The following DOCK4 variants were observed in gnomAD, a reference collection of about 807,000 sequenced individuals.
The protein encoded by DOCK4 is dedicator of cytokinesis 4.
In DOCK4, 97 loss-of-function variants were observed where a neutral mutation model predicts 268.1. The observed-to-expected ratio is 0.36, with a 90% CI of 0.31 to 0.43. DOCK4 has a LOEUF of 0.43. Among genes scored for constraint, DOCK4 ranks in the 20% least tolerant of loss-of-function variants. The pLI is 1.00. For synonymous variants in DOCK4, 954 were observed against 887.2 expected (o/e 1.08, Z -1.34); for missense variants, 2,145 against 2,455.7 (o/e 0.87, Z 2.67).
intron 1 of DOCK4, among the ~76,000 whole-genome samples, chr7:112,107,267 T>A (rs1378978240): frequency 6.6e-6 from 1 of 152,212 alleles, no homozygotes; most frequent in Admixed American, 6.5e-5. Flanking sequence ...TCCTGGTATC[T>A]TAGAATATGA....
rs1271930063 is a variant in DOCK4, at chr7:111,857,590, A to G, written c.2473+5782T>C. ...AAACATATATAGCTATTTTTTAGCA[A>G]GAAAATAGCTCAGCATTAACTCCAG... On this transcript the variant is annotated intron_variant, in intron 23 of 52. Transcript: ENST00000428084. 2.0e-5 allele frequency among the ~76,000 whole-genome samples: 3 copies of G among 152,194 alleles called. No individual in the cohort carries two copies. In the East Asian group the frequency reaches 5.8e-4, roughly 29 times the overall value.
At position 112,095,156 on chromosome 7, in the gene DOCK4, T is replaced by C. The variant is rs1405167289; in HGVS notation, c.38-91025A>G. Among the ~76,000 whole-genome samples, 3 of 152,174 alleles carry C rather than the reference T, an allele frequency of 2.0e-5. No individual in the cohort carries two copies. The East Asian group carries it at 5.8e-4, about 29-fold the overall frequency. On this transcript the variant is annotated intron_variant, in intron 1 of 52. Transcript: ENST00000428084. ...TTACCATTGATCAGTCTTTCAATGG[T>C]ATAGGGCTGACATTTGGCTTCTTTA...
intron 1 of DOCK4, among the ~76,000 whole-genome samples, chr7:112,042,850 C>G (rs1432828649): frequency 6.6e-6 from 1 of 152,170 alleles, no homozygotes; most frequent in Non-Finnish European, 1.5e-5. Context: ...TTATTTATGT[C>G]TTTCTCATGA....
intron 35 of DOCK4, among the ~76,000 whole-genome samples, chr7:111,782,340 T>G (rs1255606473): frequency 6.6e-6 from 1 of 152,184 alleles, no homozygotes; most frequent in Non-Finnish European, 1.5e-5. Flanking sequence ...TTAACAAAAG[T>G]GCTATTATGA....
Position 112,011,470 on chromosome 7 carries a change from T to C in DOCK4, c.38-7339A>G, listed in dbSNP as rs79662289. On this transcript the variant is annotated intron_variant, in intron 1 of 52. Transcript: ENST00000428084. Reference sequence around the variant, plus strand: ...TACTATTTTATCTTAAGGATTTTGCTAAGTTTTTCATGTGTTAGTTCTAAC... The same window carrying C: ...TACTATTTTATCTTAAGGATTTTGCCAAGTTTTTCATGTGTTAGTTCTAAC... Among the ~76,000 whole-genome samples the C allele has an allele frequency of 1.8e-3, 278 of 152,292 alleles. 2 individuals are homozygous for C. Among genetic ancestry groups the C allele is most frequent in the African/African-American group, 6.5e-3 (272 of 41,560 alleles).
At chr7:111,895,293 C>T (rs758908290) in intron 16 of DOCK4, among the ~76,000 whole-genome samples, 7 of 152,096 alleles carry the variant, frequency 4.6e-5, no homozygotes, top group African/African-American at 1.7e-4. Context: ...TAAGAAAGCG[C>T]GTAATGTAGT....
intron 12 of DOCK4, among the ~76,000 whole-genome samples, chr7:111,919,236 G>A (rs569016136): frequency 1.3e-5 from 2 of 152,216 alleles, no homozygotes; most frequent in African/African-American, 4.8e-5. Flanking sequence ...GGTGAATCCT[G>A]AAGAAAATTA....
At chr7:112,058,106 T>C (rs1806014104) in intron 1 of DOCK4, among the ~76,000 whole-genome samples, 1 of 148,394 alleles carries the variant, frequency 6.7e-6, no homozygotes, top group East Asian at 2.0e-4. Context: ...AAAGTCAAAA[T>C]GTTTGGAAAA....
rs980781790 is a variant in DOCK4, at chr7:112,132,156, T to C, written c.37+73946A>G. On this transcript the variant is annotated intron_variant, in intron 1 of 52. Transcript: ENST00000428084. ...CCACAAAGGTTACTTCTCACTTTGA[T>C]AGGATCTCATAAATCCATGTAAACT... Among the ~76,000 whole-genome samples, 30 of 152,156 alleles carry C rather than the reference T, an allele frequency of 2.0e-4. No individual in the cohort carries two copies. In the South Asian group the frequency reaches 2.9e-3, roughly 15 times the overall value.
chr7:112,087,007 G>A lies in DOCK4; in HGVS notation c.38-82876C>T, dbSNP rs561717146. ...ATGCTGAACCCTGGGTAAGAAGGAA[G>A]AAAAGACAGAAAAACTGAGATAACC... On this transcript the variant is annotated intron_variant, in intron 1 of 52. Coordinates refer to ENST00000428084, the MANE Select transcript of DOCK4 (RefSeq NM_001363540.2). Among the ~76,000 whole-genome samples, 44 of 152,186 alleles carry A rather than the reference G, an allele frequency of 2.9e-4. No individual in the cohort carries two copies. The South Asian group carries it at 7.9e-3, about 27-fold the overall frequency.
At chr7:112,126,754 G>A (rs999287354) in intron 1 of DOCK4, among the ~76,000 whole-genome samples, 1 of 152,178 alleles carries the variant, frequency 6.6e-6, no homozygotes, top group African/African-American at 2.4e-5. Flanking sequence ...CGAAGGATAT[G>A]AACAGACACT....
intron 1 of DOCK4, among the ~76,000 whole-genome samples, chr7:112,050,417 C>T (rs764891597): frequency 1.3e-4 from 20 of 152,198 alleles, no homozygotes; most frequent in Middle Eastern, 3.4e-3. Context: ...TATTTACTTG[C>T]CCAACAACCT....
intron 1 of DOCK4, among the ~76,000 whole-genome samples, chr7:112,013,090 T>C (rs528553347): frequency 9.2e-5 from 14 of 152,350 alleles, no homozygotes; most frequent in African/African-American, 2.9e-4. Context: ...GCCTCTTCTA[T>C]AACGTTCTCT....
At chr7:111,946,355 C>T (rs1012516097) in intron 8 of DOCK4, among the ~76,000 whole-genome samples, 52 of 152,260 alleles carry the variant, frequency 3.4e-4, no homozygotes, top group African/African-American at 1.2e-3. Flanking sequence ...ACTAAACTTG[C>T]ATTTGAAAAT....
At chr7:112,174,605 AAGGC>A (rs1563157324) in intron 1 of DOCK4, among the ~76,000 whole-genome samples, 1 of 152,164 alleles carries the variant, frequency 6.6e-6, no homozygotes, top group African/African-American at 2.4e-5. Flanking sequence ...ACAGGGAAAA[AAGGC>A]AGGATTTTAA....
At chr7:111,836,192 A>G (rs1803225455) in intron 25 of DOCK4, among the ~76,000 whole-genome samples, 1 of 151,950 alleles carries the variant, frequency 6.6e-6, no homozygotes, top group Admixed American at 6.6e-5. Context: ...AGGACTGGGA[A>G]TAATAGAGCC....
In DOCK4 at chr7:111,741,041, T is replaced by C. The variant is rs750093111; in HGVS notation, c.5040+53A>G. 252 of 1,603,758 alleles carry C rather than the reference T, an allele frequency of 1.6e-4. 1 individual carries two copies. Among genetic ancestry groups the C allele is most frequent in the South Asian group, 2.1e-4 (19 of 89,260 alleles). On this transcript the variant is annotated intron_variant, in intron 47 of 52. Transcript: ENST00000428084. The stretch of plus-strand genomic sequence containing the variant: ...ACAGCAGAATGAACAGAAACACTCA[T>C]GATTGAGACAGAAAAGGAATAAACA...
chr7:112,043,921 C>T (rs560667821), intron 1 of DOCK4, among the ~76,000 whole-genome samples: 9 of 152,012 alleles, frequency 5.9e-5, no homozygotes, highest in African/African-American at 2.2e-4. Context: ...GAAGATTTCC[C>T]AATGAGTGAC....
chr7:112,134,991 ATG>A (rs576509921), intron 1 of DOCK4, among the ~76,000 whole-genome samples: 37 of 151,584 alleles, frequency 2.4e-4, no homozygotes, highest in East Asian at 3.9e-4. Context: ...TAAAACATAT[ATG>A]TGTGTGTGTG....
Sources: allele counts gnomAD v4.1 joint callset (sites outside exome capture counted in the v4.1 genomes callset), GRCh38; gene constraint gnomAD v4.1.1; transcripts MANE v1.5; gene names NCBI Gene and HGNC (gene_info 2026-07-23, HGNC 2026-07-21).